The following CLSTN2 variants were observed in gnomAD, a reference collection of about 807,000 sequenced individuals.
The protein encoded by CLSTN2 is calsyntenin-2.
Under a neutral mutation model 101.2 loss-of-function variants are expected in CLSTN2, and 48 were observed. The observed-to-expected ratio is 0.47, with a 90% CI of 0.38 to 0.60. CLSTN2 has a LOEUF of 0.60. Among genes scored for constraint, CLSTN2 ranks in the 20% least tolerant of loss-of-function variants. The pLI is 0.00. For missense variants in CLSTN2, 1,160 were observed against 1,238.2 expected, an observed-to-expected ratio of 0.94 and a Z score of 0.95; for synonymous variants, 481 against 463.6, an observed-to-expected ratio of 1.04 and a Z score of -0.48.
chr3:140,225,116 C>T (rs4605506), intron 2 of CLSTN2, among the ~76,000 whole-genome samples: 143,253 of 152,276 alleles, frequency 0.94, 67,987 homozygotes, highest in East Asian at 1. Context: ...AGCAGCCTCC[C>T]AGCTCGGAGC....
At chr3:140,177,758 C>A (rs866059133) in intron 2 of CLSTN2, among the ~76,000 whole-genome samples, 3 of 152,288 alleles carry the variant, frequency 2.0e-5, no homozygotes, top group Middle Eastern at 3.4e-3. Flanking sequence ...ATTGCACCAA[C>A]TGCACTCTAT....
chr3:139,951,288 T>G (rs1935289579), intron 1 of CLSTN2, among the ~76,000 whole-genome samples: 1 of 152,140 alleles, frequency 6.6e-6, no homozygotes, highest in Non-Finnish European at 1.5e-5. Context: ...GTAGACAATT[T>G]CTAGAACAGT....
At chr3:140,280,920 A>T (rs984144653) in intron 2 of CLSTN2, among the ~76,000 whole-genome samples, 1 of 152,208 alleles carries the variant, frequency 6.6e-6, no homozygotes, top group Non-Finnish European at 1.5e-5. Context: ...GTCAATTCAG[A>T]TTAGTTGGTT....
In CLSTN2 at chr3:140,567,914, C is replaced by A. The variant is rs957620302; in HGVS notation, c.*1661C>A. The A allele has an allele frequency of 4.6e-5, 7 of 152,244 alleles. No individual in the cohort carries two copies. The highest frequency in any genetic ancestry group is 7.3e-5 in the Non-Finnish European group (5 of 68,050). 9.4% of individuals were successfully genotyped at this position (152,244 alleles called of 1,614,324 possible). ...GAGGACCCATGGCAGGTCTTTTCAA[C>A]TTTCTGATTCATGAGAACAACCTTG... On this transcript the variant is annotated 3_prime_UTR_variant, in exon 17 of 17. Coordinates refer to ENST00000458420, the MANE Select transcript of CLSTN2 (RefSeq NM_022131.3).
rs75284176 is a variant in CLSTN2 at position 140,432,702 on chromosome 3, A to G, written c.787+11428A>G. On this transcript the variant is annotated intron_variant, in intron 5 of 16. Transcript: ENST00000458420. ...AAAGAGCTGCCAGATAAAAGTGCCC[A>G]TGCTCAAGTCTGCTTTGATCTGACT... Among the ~76,000 whole-genome samples the G allele has an allele frequency of 4.3e-4, 66 of 152,330 alleles. No individual in the cohort carries two copies. The South Asian group carries it at 6.2e-3, about 14-fold the overall frequency.
At chr3:140,522,281 A>T (rs76755185) in intron 8 of CLSTN2, among the ~76,000 whole-genome samples, 2,521 of 152,230 alleles carry the variant, frequency 0.017, 72 homozygotes, top group African/African-American at 0.057. Context: ...CATCACTTTC[A>T]TTCCTCTCTG....
At chr3:140,439,175 C>T (rs374092890) in intron 5 of CLSTN2, among the ~76,000 whole-genome samples, 2 of 152,212 alleles carry the variant, frequency 1.3e-5, no homozygotes, top group Non-Finnish European at 2.9e-5. Flanking sequence ...CTTCCAGGAA[C>T]GGAATGTGGT....
At chr3:140,449,779 GTTT>G (rs1933196618) in intron 6 of CLSTN2, 1 of 152,212 alleles carries the variant, frequency 6.6e-6, no homozygotes. Context: ...CAGGCATTCT[GTTT>G]GTTAAAGATA....
chr3:140,099,771 G>T (rs2008934200), intron 1 of CLSTN2, among the ~76,000 whole-genome samples: 1 of 152,182 alleles, frequency 6.6e-6, no homozygotes, highest in Non-Finnish European at 1.5e-5. Context: ...TGGTACAGCA[G>T]ATAAAATCTA....
intron 1 of CLSTN2, among the ~76,000 whole-genome samples, chr3:140,158,906 T>C (rs535398190): frequency 6.6e-6 from 1 of 152,018 alleles, no homozygotes. Context: ...TTCAGCAAAA[T>C]AGTCAAAGAT....
At chr3:140,364,540 G>T (rs902487165) in intron 2 of CLSTN2, among the ~76,000 whole-genome samples, 4 of 152,148 alleles carry the variant, frequency 2.6e-5, no homozygotes, top group African/African-American at 9.7e-5. Flanking sequence ...GAGGAGCAAG[G>T]GTACCTATGT....
At chr3:140,290,819 C>A (rs2107903135) in intron 2 of CLSTN2, among the ~76,000 whole-genome samples, 1 of 152,304 alleles carries the variant, frequency 6.6e-6, no homozygotes, top group South Asian at 2.1e-4. Flanking sequence ...AAAATAGAAG[C>A]TACCAGACAA....
intron 1 of CLSTN2, among the ~76,000 whole-genome samples, chr3:139,961,251 T>C (rs531585455): frequency 1.3e-5 from 2 of 152,286 alleles, no homozygotes; most frequent in Non-Finnish European, 2.9e-5. Flanking sequence ...CCCAGGGCTA[T>C]TGTTTTGTTG....
rs750088450 is a variant in CLSTN2, at chr3:140,311,287, C to CTTTTT, written c.233-92310_233-92306dup. ...ATAATAACAGCTAAGGTTTATTATCCTTTTTTTTTTTTTTTTTTTTTTTTT... is the reference window on the plus strand; with the variant it reads ...ATAATAACAGCTAAGGTTTATTATCCTTTTTTTTTTTTTTTTTTTTTTTTTTTTTT... On this transcript the variant is annotated intron_variant, in intron 2 of 16. Transcript: ENST00000458420. Among the ~76,000 whole-genome samples, 49 of 52,080 alleles carry CTTTTT rather than the reference C, an allele frequency of 9.4e-4. 14 individuals carry two copies. Among genetic ancestry groups the CTTTTT allele is most frequent in the African/African-American group, 4.1e-3 (44 of 10,624 alleles). 34.2% of individuals were successfully genotyped at this position (52,080 alleles called of 152,430 possible).
At chr3:140,239,350 T>C (rs1218748509) in intron 2 of CLSTN2, among the ~76,000 whole-genome samples, 1 of 152,200 alleles carries the variant, frequency 6.6e-6, no homozygotes, top group Non-Finnish European at 1.5e-5. Context: ...GTGATATCAA[T>C]TGTCATTTTA....
chr3:140,477,864 G>A (rs115446984), intron 8 of CLSTN2, among the ~76,000 whole-genome samples: 5 of 152,346 alleles, frequency 3.3e-5, no homozygotes, highest in African/African-American at 7.2e-5. Context: ...AATACTATCT[G>A]TGAACATGTC....
In CLSTN2 at chr3:140,319,957, G is replaced by T. The variant is rs2087266079; in HGVS notation, c.233-83672G>T. Among the ~76,000 whole-genome samples, 5 of 152,300 alleles carry T rather than the reference G, an allele frequency of 3.3e-5. No individual in the cohort carries two copies. In the South Asian group the frequency reaches 1.0e-3, roughly 32 times the overall value. ...ATGGCTTTTCCATTTTATTGCAAGT[G>T]CATTCCCAGCAGTCTCTGAACACTG... is the stretch of plus-strand genomic sequence containing the variant. On this transcript the variant is annotated intron_variant, in intron 2 of 16. Coordinates refer to ENST00000458420, the MANE Select transcript of CLSTN2 (RefSeq NM_022131.3).
chr3:140,422,559 G>T (rs1375091585), intron 5 of CLSTN2, among the ~76,000 whole-genome samples: 1 of 152,198 alleles, frequency 6.6e-6, no homozygotes, highest in Non-Finnish European at 1.5e-5. Flanking sequence ...AGCCAGAGTT[G>T]TATGCCTTTG....
chr3:140,354,167 C>T (rs1351611688), intron 2 of CLSTN2, among the ~76,000 whole-genome samples: 1 of 152,150 alleles, frequency 6.6e-6, no homozygotes, highest in Non-Finnish European at 1.5e-5. Context: ...AAAGACCCTT[C>T]TGAAAATGGC....
Sources: allele counts gnomAD v4.1 joint callset (sites outside exome capture counted in the v4.1 genomes callset), GRCh38; gene constraint gnomAD v4.1.1; transcripts MANE v1.5; gene names NCBI Gene and HGNC (gene_info 2026-07-23, HGNC 2026-07-21).